Variants in ZNF749 observed in about 807,000 individuals in gnomAD.
ZNF749 encodes the protein zinc finger protein 749.
ZNF749 carries 8 observed loss-of-function variants against 7.3 expected under a neutral mutation model. The ratio of observed to expected loss-of-function variants is 1.10; its 90% CI spans 0.64 to 1.98. The LOEUF (loss-of-function observed/expected upper bound fraction) is 1.98, where lower values mean the gene tolerates loss of function less well. Among genes scored for constraint, ZNF749 ranks in the 30% most tolerant of loss-of-function variants. The pLI, the probability that ZNF749 is intolerant of heterozygous loss-of-function variation, is 0.00. For synonymous variants in ZNF749, 310 were observed against 322.4 expected (o/e 0.96, Z 0.41); for missense variants, 898 against 932.4 (o/e 0.96, Z 0.48).
intron 1 of ZNF749, 54 bp downstream of exon 1, chr19:57,435,647 T>TC: frequency 6.3e-7 from 1 of 1,584,888 alleles, no homozygotes; most frequent in Non-Finnish European, 8.6e-7. Context: ...AGTGCTGAAG[T>TC]CCCAAGGAGC....
upstream of ZNF749, among the ~76,000 whole-genome samples, chr19:57,433,494 C>T (rs902633230): frequency 7.2e-5 from 11 of 152,082 alleles, no homozygotes; most frequent in Admixed American, 5.9e-4. Context: ...GAACTATCCA[C>T]GTTAGTGGGA....
chr19:57,444,121 C>T lies in ZNF749; in HGVS notation c.973C>T (p.Pro325Ser), dbSNP rs754745939. 3 of 1,613,740 alleles carry T rather than the reference C, an allele frequency of 1.9e-6. No individual in the cohort carries two copies. In the Admixed American group the frequency reaches 5.0e-5, roughly 27 times the overall value. The change falls in exon 3 of 3, where the codon CCC becomes TCC. Residue 325 changes from proline (P) to serine (S), a missense_variant. Transcript: ENST00000334181. Reference protein sequence around the residue: ...GHQKTHTGEQPYECNKCGKFF... With the variant: ...GHQKTHTGEQSYECNKCGKFF... ...CCAGAAAACCCATACTGGAGAACAG[C>T]CCTATGAATGCAACAAGTGTGGGAA... is the stretch of plus-strand genomic sequence containing the variant.
At position 57,439,117 on chromosome 19, in the gene ZNF749, G is replaced by T. The variant is rs1178116209; in HGVS notation, c.16-2768G>T. 1.8e-4 allele frequency among the ~76,000 whole-genome samples: 28 copies of T among 152,090 alleles called. No individual in the cohort carries two copies. Among genetic ancestry groups the T allele is most frequent in the Admixed American group, 1.7e-3 (26 of 15,272 alleles). On this transcript the variant is annotated intron_variant, in intron 1 of 2. Transcript: ENST00000334181. The surrounding 1 kb of genome is among the most constrained non-coding windows in gnomAD (Gnocchi z 4.3). ...AGGTGACCTGACCCAGGTTTTAGTG[G>T]CTCCCTCTGCCTGCAGAATGGAAGA... is the stretch of plus-strand genomic sequence containing the variant.
chr19:57,432,584 A>AAAGAGG (rs1157181440), upstream of ZNF749, among the ~76,000 whole-genome samples: 1 of 116,580 alleles, frequency 8.6e-6, no homozygotes. Flanking sequence ...AAAAAAAAAA[A>AAAGAGG]GGTGGGGGGG....
At chr19:57,430,343 T>C (rs745363942), upstream of ZNF749, among the ~76,000 whole-genome samples, 1 of 152,180 alleles carries the variant, frequency 6.6e-6, no homozygotes, top group Non-Finnish European at 1.5e-5. Context: ...CTTGCGATGA[T>C]AGCATTAGTC....
In ZNF749 at chr19:57,442,493, T is replaced by C. The variant is rs1170263623; in HGVS notation, c.142+482T>C. 6.6e-6 allele frequency among the ~76,000 whole-genome samples: 1 copy of C among 152,104 alleles called. No homozygotes were observed. The highest frequency in any genetic ancestry group is 1.9e-4 in the East Asian group (1 of 5,184). On this transcript the variant is annotated intron_variant, in intron 2 of 2. Transcript: ENST00000334181. This position sits in a 1 kb window ranked among gnomAD's most constrained non-coding sequence, Gnocchi z 6.6. ...GCTTTAGAATGCAGCATGTCCTGGG[T>C]TTATTGCTCTGTGTACATGCTGTCC...
chr19:57,429,320 C>T, the ZNF749 span, among the ~76,000 whole-genome samples: 117 of 152,320 alleles, frequency 7.7e-4, 1 homozygote, highest in Non-Finnish European at 3.4e-4. This position sits in a 1 kb window ranked among gnomAD's most constrained non-coding sequence, Gnocchi z 4.2. Context: ...GCCACTGCAC[C>T]CAGCCACATC....
chr19:57,443,787 G>T lies in ZNF749; in HGVS notation c.639G>T (p.Glu213Asp). 1 of 1,614,168 alleles carries T rather than the reference G, an allele frequency of 6.2e-7. No individual in the cohort carries two copies. The highest frequency in any genetic ancestry group is 8.5e-7 in the Non-Finnish European group (1 of 1,180,034). Residue 213 changes from glutamate (E) to aspartate (D), a missense_variant, in exon 3 of 3, where the codon GAG (glutamate) becomes GAT (aspartate). Physicochemically the swap from Glu to Asp is conservative, Grantham distance 45. Coordinates refer to ENST00000334181, the MANE Select transcript of ZNF749 (RefSeq NM_001023561.4). Reference protein sequence around the residue: ...KDFCHQHGLFEHQKTHNGERP... With the variant: ...KDFCHQHGLFDHQKTHNGERP... Reference sequence around the variant, plus strand: ...TTTGCCACCAACATGGGCTGTTTGAGCACCAAAAAACCCATAATGGGGAGA... The same window carrying T: ...TTTGCCACCAACATGGGCTGTTTGATCACCAAAAAACCCATAATGGGGAGA...
At position 57,442,483 on chromosome 19, in the gene ZNF749, A is replaced by C. The variant is rs1027572815; in HGVS notation, c.142+472A>C. 6.6e-6 allele frequency among the ~76,000 whole-genome samples: 1 copy of C among 152,132 alleles called. No individual in the cohort carries two copies. The highest frequency in any genetic ancestry group is 6.5e-5 in the Admixed American group (1 of 15,278). Reference sequence around the variant, plus strand: ...TGTTCTGGTAGCTTTAGAATGCAGCATGTCCTGGGTTTATTGCTCTGTGTA... The same window carrying C: ...TGTTCTGGTAGCTTTAGAATGCAGCCTGTCCTGGGTTTATTGCTCTGTGTA... On this transcript the variant is annotated intron_variant, in intron 2 of 2. Coordinates refer to ENST00000334181, the MANE Select transcript of ZNF749 (RefSeq NM_001023561.4). The surrounding 1 kb of genome is among the most constrained non-coding windows in gnomAD (Gnocchi z 6.6).
In ZNF749 at chr19:57,439,254, G is replaced by T. The variant is rs935685057; in HGVS notation, c.16-2631G>T. Among the ~76,000 whole-genome samples the T allele has an allele frequency of 6.6e-6, 1 of 152,122 alleles. No individual in the cohort carries two copies. Among genetic ancestry groups the T allele is most frequent in the Admixed American group, 6.5e-5 (1 of 15,286 alleles). ...AGTGGCGGTGGTGGAAGTGGGAGGA[G>T]TGGGGGGCTTCTGTATGTGTTTGAT... On this transcript the variant is annotated intron_variant, in intron 1 of 2. Coordinates refer to ENST00000334181, the MANE Select transcript of ZNF749 (RefSeq NM_001023561.4). The surrounding 1 kb of genome is among the most constrained non-coding windows in gnomAD (Gnocchi z 4.3).
At position 57,442,030 on chromosome 19, in the gene ZNF749, C is replaced by T. The variant is rs974287142; in HGVS notation, c.142+19C>T. 1 of 1,610,582 alleles carries T rather than the reference C, an allele frequency of 6.2e-7. No homozygotes were observed. Among genetic ancestry groups the T allele is most frequent in the Non-Finnish European group, 8.5e-7 (1 of 1,178,480 alleles). On this transcript the variant is annotated intron_variant, in intron 2 of 2. Transcript: ENST00000334181. This position sits in a 1 kb window ranked among gnomAD's most constrained non-coding sequence, Gnocchi z 6.6. ...TCAGTAGGTAAGGCCTTCATACCTA[C>T]TCTGGTGTCTTGTGCTGGGTGCTGT...
upstream of ZNF749, chr19:57,435,205 G>A (rs75806657): frequency 0.02 from 7,218 of 366,718 alleles, 451 homozygotes; most frequent in African/African-American, 0.14. Context: ...GACACTGCGG[G>A]CGACACAGGC....
chr19:57,435,713 G>A, intron 1 of ZNF749, 120 bp downstream of exon 1: 2 of 1,482,222 alleles, frequency 1.3e-6, no homozygotes, highest in East Asian at 2.5e-5. Context: ...TGTGTGGGGT[G>A]CCCGGGACTG....
chr19:57,440,638 G>A (rs985295035), intron 1 of ZNF749, among the ~76,000 whole-genome samples: 3 of 152,114 alleles, frequency 2.0e-5, no homozygotes, highest in Non-Finnish European at 4.4e-5. Flanking sequence ...TTGGGCCAGG[G>A]CTGCTGTTAG....
chr19:57,438,782 G>A (rs1435135262), intron 1 of ZNF749, among the ~76,000 whole-genome samples: 1 of 152,136 alleles, frequency 6.6e-6, no homozygotes, highest in South Asian at 2.1e-4. Flanking sequence ...GTGGTTCCAC[G>A]ACAACCAGGA....
At chr19:57,443,254 G>C (rs766521997) in intron 2 of ZNF749, 37 bp from the exon 3 acceptor site, 1 of 1,544,962 alleles carries the variant, frequency 6.5e-7, no homozygotes, top group South Asian at 1.2e-5. Flanking sequence ...TCCCTCCGGA[G>C]TTCACGTGCA....
chr19:57,435,533 G>C lies in ZNF749; in HGVS notation c.-46G>C. On this transcript the variant is annotated 5_prime_UTR_variant, in exon 1 of 3. Transcript: ENST00000334181. Reference sequence around the variant, plus strand: ...CTCCGTCAGCGTCCAGGTGACCGCCGTTCCCGCCCCGCTCTTCCCTGGGTG... The same window carrying C: ...CTCCGTCAGCGTCCAGGTGACCGCCCTTCCCGCCCCGCTCTTCCCTGGGTG... The C allele has an allele frequency of 6.3e-7, 1 of 1,588,026 alleles. No homozygotes were observed. Among genetic ancestry groups the C allele is most frequent in the Non-Finnish European group, 8.6e-7 (1 of 1,169,490 alleles).
chr19:57,437,740 AAG>A (rs1491206499), intron 1 of ZNF749, among the ~76,000 whole-genome samples: 12 of 152,058 alleles, frequency 7.9e-5, no homozygotes, highest in Admixed American at 2.6e-4. Context: ...AAAAAAAAAA[AAG>A]GGAAAAATAC....
intron 2 of ZNF749, 31 bp from the exon 3 acceptor site, chr19:57,443,260 G>C (rs7249430): frequency 7.1e-6 from 11 of 1,557,268 alleles, no homozygotes; most frequent in Middle Eastern, 1.7e-4. Flanking sequence ...CGGAGTTCAC[G>C]TGCACTTCAC....
Sources: gnomAD v4.1 joint callset for allele counts (sites outside exome capture counted in the v4.1 genomes callset) on GRCh38, gnomAD v4.1.1 for gene constraint, Gnocchi (gnomAD v3.1) non-coding constraint, MANE v1.5 for transcripts, NCBI Gene and HGNC (gene_info 2026-07-23, HGNC 2026-07-21) for gene names.